Variants in LCORL observed in about 807,000 individuals in gnomAD.
LCORL encodes the protein ligand dependent nuclear receptor corepressor like.
Under a neutral mutation model 141.8 loss-of-function variants are expected in LCORL, and 41 were observed. That is an observed-to-expected ratio of 0.29 (90% confidence interval 0.23 to 0.38). The LOEUF is 0.38. LCORL is among the 10% of genes least tolerant of loss of function. The pLI is 1.00. For missense variants in LCORL, 1,759 were observed against 2,035.0 expected, an observed-to-expected ratio of 0.86 and a Z score of 2.61; for synonymous variants, 618 against 694.1, an observed-to-expected ratio of 0.89 and a Z score of 1.72.
At chr4:17,998,997 T>A (rs1226961059) in intron 1 of LCORL, among the ~76,000 whole-genome samples, 47 of 64,850 alleles carry the variant, frequency 7.2e-4, no homozygotes, top group African/African-American at 2.3e-3. Context: ...TATATATATA[T>A]ATATATACAC....
intron 4 of LCORL, among the ~76,000 whole-genome samples, chr4:17,951,135 T>TAAAA (rs1739661147): frequency 6.6e-6 from 1 of 152,246 alleles, no homozygotes; most frequent in African/African-American, 2.4e-5. Flanking sequence ...TTTCTTTTTT[T>TAAAA]AACCACTATA....
intron 7 of LCORL, among the ~76,000 whole-genome samples, chr4:17,866,435 T>C (rs6817306): frequency 0.19 from 29,244 of 152,188 alleles, 3,243 homozygotes; most frequent in African/African-American, 0.3. Flanking sequence ...CCCACTATTT[T>C]GCATGTGTCT....
At chr4:17,846,597 G>T (rs1454593626) in intron 7 of LCORL, among the ~76,000 whole-genome samples, 1 of 152,094 alleles carries the variant, frequency 6.6e-6, no homozygotes, top group Non-Finnish European at 1.5e-5. Context: ...AAATTTCCAA[G>T]AATTTTTTAC....
chr4:17,866,600 G>A (rs1725689697), intron 7 of LCORL, among the ~76,000 whole-genome samples: 1 of 151,748 alleles, frequency 6.6e-6, no homozygotes, highest in South Asian at 2.1e-4. Flanking sequence ...ACTGGGAGAA[G>A]GAAAAAGAAG....
intron 5 of LCORL, among the ~76,000 whole-genome samples, chr4:17,895,096 C>T (rs1729709297): frequency 6.6e-6 from 1 of 151,494 alleles, no homozygotes; most frequent in African/African-American, 2.4e-5. Flanking sequence ...TTATGGGGTA[C>T]ATACATGTAT....
intron 1 of LCORL, among the ~76,000 whole-genome samples, chr4:18,001,455 A>C (rs1372461643): frequency 6.6e-6 from 1 of 152,206 alleles, no homozygotes; most frequent in Non-Finnish European, 1.5e-5. Context: ...TTATAAATTT[A>C]AGGCTTTATC....
chr4:18,009,337 G>A (rs77094723), intron 1 of LCORL, among the ~76,000 whole-genome samples: 4,847 of 151,648 alleles, frequency 0.032, 109 homozygotes, highest in African/African-American at 0.059. Flanking sequence ...TTCCCTACAC[G>A]GACACCCTCC....
At chr4:18,001,517 C>T (rs1268537988) in intron 1 of LCORL, among the ~76,000 whole-genome samples, 1 of 151,844 alleles carries the variant, frequency 6.6e-6, no homozygotes. Flanking sequence ...GTAACATGAA[C>T]ACATTTGAAT....
intron 5 of LCORL, among the ~76,000 whole-genome samples, chr4:17,899,437 T>C (rs564171501): frequency 1.4e-4 from 22 of 152,220 alleles, no homozygotes; most frequent in African/African-American, 5.3e-4. Flanking sequence ...TACAGTGGGC[T>C]TGGCAAGTGT....
intron 1 of LCORL, among the ~76,000 whole-genome samples, chr4:17,977,211 T>C (rs1179766292): frequency 1.3e-5 from 2 of 152,190 alleles, no homozygotes; most frequent in African/African-American, 4.8e-5. Context: ...TTTTAATCTA[T>C]TCAGAAGTTG....
rs1577637347 is a variant in LCORL at position 17,984,068 on chromosome 4, A to G, written c.155-11183T>C. On this transcript the variant is annotated intron_variant, in intron 1 of 7. Coordinates refer to ENST00000635767, the Ensembl canonical transcript of LCORL. ...TAGTTCTGTTTATATGATGAATCAC[A>G]TTTATTGACTTGCATATGTTGAACC... 2.0e-5 allele frequency among the ~76,000 whole-genome samples: 3 copies of G among 152,274 alleles called. No individual in the cohort carries two copies. The East Asian group carries it at 5.8e-4, about 29-fold the overall frequency.
chr4:17,855,444 G>C (rs1268774415), intron 7 of LCORL, among the ~76,000 whole-genome samples: 1 of 152,126 alleles, frequency 6.6e-6, no homozygotes, highest in African/African-American at 2.4e-5. Flanking sequence ...CCGAAACCCT[G>C]TTTGCATCTA....
chr4:17,917,891 G>T (rs1456905949), intron 4 of LCORL, among the ~76,000 whole-genome samples: 1 of 152,142 alleles, frequency 6.6e-6, no homozygotes, highest in Non-Finnish European at 1.5e-5. Flanking sequence ...AGCTATCATG[G>T]CACTTTAAAT....
At chr4:17,859,728 G>C (rs1724779503) in intron 7 of LCORL, among the ~76,000 whole-genome samples, 1 of 152,146 alleles carries the variant, frequency 6.6e-6, no homozygotes, top group Non-Finnish European at 1.5e-5. Context: ...GAGAAGAAAT[G>C]CAAATGTATG....
intron 1 of LCORL, among the ~76,000 whole-genome samples, chr4:18,002,455 T>C (rs1224981573): frequency 6.6e-6 from 1 of 152,012 alleles, no homozygotes; most frequent in African/African-American, 2.4e-5. Flanking sequence ...GGTTTATAAC[T>C]AAACCATATA....
chr4:17,904,812 CTTTA>C lies in LCORL; in HGVS notation c.682+4278_682+4281del, dbSNP rs149556420. Among the ~76,000 whole-genome samples, 1,180 of 152,164 alleles carry C rather than the reference CTTTA, an allele frequency of 7.8e-3. 16 individuals are homozygous for C. The highest frequency in any genetic ancestry group is 0.027 in the African/African-American group (1,128 of 41,528). On this transcript the variant is annotated intron_variant, in intron 5 of 7. Transcript: ENST00000635767. ...ATTAATGCTGCTACGTTTAGCAAGACTTTATTTATCACCTTGACTTGGTTACTCT... is the reference window on the plus strand; with the variant it reads ...ATTAATGCTGCTACGTTTAGCAAGACTTTATCACCTTGACTTGGTTACTCT...
At chr4:17,868,464 G>C (rs551296399) in intron 7 of LCORL, among the ~76,000 whole-genome samples, 1 of 152,098 alleles carries the variant, frequency 6.6e-6, no homozygotes, top group South Asian at 2.1e-4. Flanking sequence ...TTTACTCAGA[G>C]GTGTCCAGAG....
intron 1 of LCORL, among the ~76,000 whole-genome samples, chr4:17,996,202 T>G (rs1720899934): frequency 2.6e-5 from 4 of 152,208 alleles, no homozygotes; most frequent in Admixed American, 2.6e-4. Context: ...TTATTTCCCT[T>G]TATCTTTTAC....
intron 4 of LCORL, among the ~76,000 whole-genome samples, chr4:17,913,812 TTAA>T (rs1426752684): frequency 1.3e-5 from 2 of 152,244 alleles, no homozygotes; most frequent in African/African-American, 4.8e-5. Flanking sequence ...TTTTCTTCAG[TTAA>T]TAACGTAAAA....
Sources: allele counts gnomAD v4.1 joint callset (sites outside exome capture counted in the v4.1 genomes callset), GRCh38; gene constraint gnomAD v4.1.1; transcripts MANE v1.5; gene names NCBI Gene and HGNC (gene_info 2026-07-23, HGNC 2026-07-21).